Variants in MOXD1 observed in about 807,000 individuals in gnomAD.
The protein encoded by MOXD1 is monooxygenase DBH like 1.
MOXD1 carries 62 observed loss-of-function variants against 66.6 expected under a neutral mutation model. The observed-to-expected ratio is 0.93, with a 90% CI of 0.76 to 1.15. The LOEUF (loss-of-function observed/expected upper bound fraction) is 1.15, where lower values mean the gene tolerates loss of function less well. Among genes scored for constraint, MOXD1 ranks in the 50% most tolerant of loss-of-function variants. MOXD1 has a pLI of 0.00. For missense variants in MOXD1, 847 were observed against 754.6 expected (o/e 1.12, Z -1.44); for synonymous variants, 303 against 281.9 (o/e 1.07, Z -0.75).
intron 1 of MOXD1, among the ~76,000 whole-genome samples, chr6:132,397,896 C>A (rs992727501): frequency 6.6e-6 from 1 of 152,128 alleles, no homozygotes; most frequent in Non-Finnish European, 1.5e-5. Flanking sequence ...TCTTTTTTCT[C>A]ATTTTTTAAT....
chr6:132,380,461 C>A (rs1325063227), intron 1 of MOXD1, among the ~76,000 whole-genome samples: 1 of 152,162 alleles, frequency 6.6e-6, no homozygotes, highest in East Asian at 1.9e-4. Context: ...GATATCTTCT[C>A]CACTAACTCC....
chr6:132,386,436 AAAAAAAAAAC>A (rs1459862833), intron 1 of MOXD1, among the ~76,000 whole-genome samples: 16 of 143,236 alleles, frequency 1.1e-4, no homozygotes, highest in African/African-American at 4.1e-4. Context: ...AACAAAACAA[AAAAAAAAAAC>A]AAAAAAAAAA....
intron 1 of MOXD1, chr6:132,392,387 T>G (rs1378763128): frequency 6.7e-7 from 1 of 1,497,108 alleles, no homozygotes; most frequent in Non-Finnish European, 8.9e-7. Flanking sequence ...TCATGCAAAT[T>G]CAACAGGCAT....
intron 4 of MOXD1, among the ~76,000 whole-genome samples, chr6:132,360,448 G>T (rs1047794546): frequency 6.6e-6 from 1 of 152,098 alleles, no homozygotes; most frequent in Non-Finnish European, 1.5e-5. Flanking sequence ...TGATGCTTAA[G>T]CACATCAACA....
At chr6:132,330,599 A>G (rs1775296128) in intron 4 of MOXD1, among the ~76,000 whole-genome samples, 1 of 152,226 alleles carries the variant, frequency 6.6e-6, no homozygotes, top group Non-Finnish European at 1.5e-5. Context: ...CTGATAAAGT[A>G]GCCCTGGCGT....
chr6:132,325,522 C>T (rs1186163382), intron 6 of MOXD1, among the ~76,000 whole-genome samples: 2 of 152,164 alleles, frequency 1.3e-5, no homozygotes, highest in Non-Finnish European at 2.9e-5. Context: ...CATGTGAAGC[C>T]TACTGCCATG....
chr6:132,367,070 T>C (rs1463265299), intron 4 of MOXD1, among the ~76,000 whole-genome samples: 1 of 152,118 alleles, frequency 6.6e-6, no homozygotes, highest in Non-Finnish European at 1.5e-5. Flanking sequence ...GCATAGCATT[T>C]CTCTTCCTGT....
intron 10 of MOXD1, among the ~76,000 whole-genome samples, chr6:132,308,925 C>A (rs910260125): frequency 6.6e-6 from 1 of 152,122 alleles, no homozygotes; most frequent in Non-Finnish European, 1.5e-5. Context: ...ATTGAATGGG[C>A]AAAAGCTGGA....
chr6:132,369,743 G>T (rs1276269531), intron 4 of MOXD1, among the ~76,000 whole-genome samples: 1 of 152,052 alleles, frequency 6.6e-6, no homozygotes, highest in Non-Finnish European at 1.5e-5. Flanking sequence ...ACAAAGGAAT[G>T]ATTCACGTCC....
At chr6:132,342,835 T>C (rs1042133506) in intron 4 of MOXD1, among the ~76,000 whole-genome samples, 1 of 152,224 alleles carries the variant, frequency 6.6e-6, no homozygotes, top group Non-Finnish European at 1.5e-5. Context: ...TTTCTTTCAG[T>C]CAATACATGC....
At chr6:132,384,566 C>T (rs1002757793) in intron 1 of MOXD1, among the ~76,000 whole-genome samples, 1 of 152,142 alleles carries the variant, frequency 6.6e-6, no homozygotes, top group African/African-American at 2.4e-5. Context: ...GATCAGAAGG[C>T]TATTTCAGGG....
At chr6:132,364,817 G>A (rs1036928680) in intron 4 of MOXD1, among the ~76,000 whole-genome samples, 1 of 152,128 alleles carries the variant, frequency 6.6e-6, no homozygotes, top group Non-Finnish European at 1.5e-5. Context: ...GGCAAATACG[G>A]TTATCAGCCC....
chr6:132,389,889 T>C (rs1282409676), intron 1 of MOXD1, among the ~76,000 whole-genome samples: 1 of 151,528 alleles, frequency 6.6e-6, no homozygotes, highest in East Asian at 1.9e-4. Context: ...ATTTAGTTTT[T>C]CCTAAGAAAC....
At position 132,328,626 on chromosome 6, in the gene MOXD1, A is replaced by G. The variant is rs1309280253; in HGVS notation, c.664-32T>C. On this transcript the variant is annotated intron_variant, in intron 4 of 11. Transcript: ENST00000367963. ...GAACATAAATGAGAGGGAGGACACA[A>G]TAAATAAGACCACCCTACAACATCC... 3 of 1,599,548 alleles carry G rather than the reference A, an allele frequency of 1.9e-6. No individual in the cohort carries two copies. The East Asian group carries it at 6.7e-5, about 36-fold the overall frequency.
intron 1 of MOXD1, among the ~76,000 whole-genome samples, chr6:132,385,835 GC>G (rs1776619395): frequency 6.6e-6 from 1 of 151,894 alleles, no homozygotes; most frequent in South Asian, 2.1e-4. Flanking sequence ...GGGCGAGGTG[GC>G]TCACGCCTGT....
intron 10 of MOXD1, among the ~76,000 whole-genome samples, chr6:132,312,624 T>C (rs1285287141): frequency 6.6e-6 from 1 of 151,948 alleles, no homozygotes; most frequent in African/African-American, 2.4e-5. Context: ...TTTCTTTTTT[T>C]TGGCAGGGGA....
At position 132,325,899 on chromosome 6, in the gene MOXD1, C is replaced by T. The variant is rs542943749; in HGVS notation, c.947-1802G>A. On this transcript the variant is annotated intron_variant, in intron 6 of 11. Transcript: ENST00000367963. The stretch of plus-strand genomic sequence containing the variant: ...TGTTAAACAAATAAATCATAAAAAT[C>T]AATTCTCCTTTTGTGTTATTATCAG... Among the ~76,000 whole-genome samples the T allele has an allele frequency of 3.9e-5, 6 of 152,280 alleles. No individual in the cohort carries two copies. In the South Asian group the frequency reaches 1.2e-3, roughly 32 times the overall value.
In MOXD1 at chr6:132,320,678, A is replaced by G; in HGVS notation, c.1316T>C (p.Leu439Pro). The G allele has an allele frequency of 6.2e-7, 1 of 1,611,714 alleles. No individual in the cohort carries two copies. The highest frequency in any genetic ancestry group is 1.1e-5 in the South Asian group (1 of 90,446). Residue 439 changes from leucine (L) to proline (P), a missense_variant, in exon 9 of 12, where the codon CTA becomes CCA. Transcript: ENST00000367963. ...EEQTILPGDN[L>P]ITECRYNTKD... The stretch of plus-strand genomic sequence containing the variant: ...CGTGTTGTAGCGACACTCAGTAATT[A>G]GGTTATCTCCCTGAAACATAAAAGC...
At chr6:132,338,177 G>A (rs1018167888) in intron 4 of MOXD1, among the ~76,000 whole-genome samples, 12 of 152,134 alleles carry the variant, frequency 7.9e-5, no homozygotes, top group African/African-American at 2.9e-4. Flanking sequence ...TTGCCCAAGT[G>A]TCACAGCGCA....
Sources: gnomAD v4.1 joint callset for allele counts (sites outside exome capture counted in the v4.1 genomes callset) on GRCh38, gnomAD v4.1.1 for gene constraint, MANE v1.5 for transcripts, NCBI Gene and HGNC (gene_info 2026-07-23, HGNC 2026-07-21) for gene names.